Variants in MDGA2 observed in about 807,000 individuals in gnomAD.
MDGA2 encodes the protein MAM domain-containing glycosylphosphatidylinositol anchor protein 2.
A neutral mutation model predicts 117.8 loss-of-function variants in MDGA2; 40 were observed. That is an observed-to-expected ratio of 0.34 (90% CI 0.26 to 0.44). The LOEUF is 0.44. MDGA2 is among the 20% of genes least tolerant of loss of function. The pLI, the probability that MDGA2 is intolerant of heterozygous loss-of-function variation, is 1.00. For missense variants in MDGA2, 1,123 were observed against 1,250.6 expected (o/e 0.90, Z 1.54); for synonymous variants, 452 against 439.0 (o/e 1.03, Z -0.37).
chr14:47,293,578 T>C (rs77074967), intron 2 of MDGA2, among the ~76,000 whole-genome samples: 22,865 of 152,214 alleles, frequency 0.15, 2,039 homozygotes, highest in South Asian at 0.27. Context: ...AGTTTGTAAA[T>C]AAATTATTAT....
intron 8 of MDGA2, among the ~76,000 whole-genome samples, chr14:46,964,918 A>ATTTTTT (rs1566549134): frequency 2.7e-4 from 26 of 95,384 alleles, no homozygotes; most frequent in Non-Finnish European, 3.9e-4. Flanking sequence ...ATATATATTT[A>ATTTTTT]CTTTTTTTTT....
intron 3 of MDGA2, among the ~76,000 whole-genome samples, chr14:47,176,570 A>T (rs567421735): frequency 6.6e-6 from 1 of 152,338 alleles, no homozygotes; most frequent in South Asian, 2.1e-4. Flanking sequence ...CTATTTAATA[A>T]ATGGTGTTGG....
rs190341769 is a variant in MDGA2 at position 46,922,307 on chromosome 14, T to C, written c.2090-2147A>G. On this transcript the variant is annotated intron_variant, in intron 9 of 16. Coordinates refer to ENST00000399232, the MANE Select transcript of MDGA2 (RefSeq NM_001113498.3). Reference sequence around the variant, plus strand: ...TATAAATTTCCCTTTATTCGAGGTATTTAGTCAACACTTAAACAGCCATTT... The same window carrying C: ...TATAAATTTCCCTTTATTCGAGGTACTTAGTCAACACTTAAACAGCCATTT... 1.2e-4 allele frequency among the ~76,000 whole-genome samples: 19 copies of C among 152,308 alleles called. No homozygotes were observed. In the East Asian group the frequency reaches 2.9e-3, roughly 23 times the overall value.
At chr14:47,620,187 G>C (rs1897024579) in intron 1 of MDGA2, among the ~76,000 whole-genome samples, 1 of 152,198 alleles carries the variant, frequency 6.6e-6, no homozygotes, top group Admixed American at 6.5e-5. Flanking sequence ...ATGCTCAATG[G>C]CAACAGAATA....
intron 9 of MDGA2, among the ~76,000 whole-genome samples, chr14:46,947,850 TCA>T (rs1185264249): frequency 1.3e-5 from 2 of 151,940 alleles, no homozygotes; most frequent in Admixed American, 6.6e-5. Context: ...AAAAAAAATC[TCA>T]GTTATTATTT....
intron 1 of MDGA2, among the ~76,000 whole-genome samples, chr14:47,407,310 A>G (rs1399940957): frequency 2.0e-5 from 3 of 152,208 alleles, no homozygotes; most frequent in Non-Finnish European, 4.4e-5. Context: ...TACATTCAGT[A>G]TAATCATTTA....
At chr14:47,658,378 A>T (rs752377060) in intron 1 of MDGA2, among the ~76,000 whole-genome samples, 2 of 152,126 alleles carry the variant, frequency 1.3e-5, no homozygotes, top group Non-Finnish European at 2.9e-5. Flanking sequence ...TAGGCCCTTC[A>T]GCTCACTTTG....
chr14:47,057,259 AC>A (rs1308325843), intron 7 of MDGA2, among the ~76,000 whole-genome samples: 1 of 152,102 alleles, frequency 6.6e-6, no homozygotes, highest in African/African-American at 2.4e-5. Flanking sequence ...ACCCACATGA[AC>A]AAAAAATTCA....
At chr14:47,094,856 A>T (rs1444406534) in intron 6 of MDGA2, among the ~76,000 whole-genome samples, 3 of 151,986 alleles carry the variant, frequency 2.0e-5, no homozygotes, top group African/African-American at 4.8e-5. Context: ...TTTCTCTTTT[A>T]AAAAAATGGG....
At chr14:47,660,719 A>G (rs1413398849) in intron 1 of MDGA2, among the ~76,000 whole-genome samples, 3 of 147,714 alleles carry the variant, frequency 2.0e-5, no homozygotes, top group Non-Finnish European at 4.5e-5. Flanking sequence ...TAATCAGCCT[A>G]GGGAGAAATA....
intron 2 of MDGA2, among the ~76,000 whole-genome samples, chr14:47,280,737 A>C (rs1299115743): frequency 6.6e-6 from 1 of 152,050 alleles, no homozygotes; most frequent in Non-Finnish European, 1.5e-5. Flanking sequence ...AAGGCCATAT[A>C]TACTTATCAC....
chr14:47,129,246 C>T (rs182715984), intron 5 of MDGA2, among the ~76,000 whole-genome samples: 7 of 151,470 alleles, frequency 4.6e-5, no homozygotes, highest in Admixed American at 6.6e-5. Flanking sequence ...AGCTCCCCCC[C>T]CGACCCCACA....
In MDGA2 at chr14:47,131,927, T is replaced by C. The variant is rs192663312; in HGVS notation, c.793-81A>G. ...GAATGAAACATCACATCACATTACA[T>C]TGTATTAAATCATATTATTATCAGA... On this transcript the variant is annotated intron_variant, in intron 4 of 16. Coordinates refer to ENST00000399232, the MANE Select transcript of MDGA2 (RefSeq NM_001113498.3). 4.8e-4 allele frequency: 540 copies of C among 1,116,620 alleles called. 2 individuals are homozygous for C. Among genetic ancestry groups the C allele is most frequent in the South Asian group, 1.8e-3 (86 of 49,106 alleles). The allele number at this position is 1,116,620 out of a possible 1,614,324, so 69.2% of individuals were successfully genotyped here. A position where few individuals can be genotyped will look rare whatever the true frequency, so the allele number is the denominator to read the frequency against.
At chr14:47,242,115 A>G (rs566414365) in intron 2 of MDGA2, among the ~76,000 whole-genome samples, 41 of 152,042 alleles carry the variant, frequency 2.7e-4, no homozygotes, top group African/African-American at 9.6e-4. Flanking sequence ...GAAGATTGCT[A>G]CTATTTCATT....
At chr14:47,543,289 A>C (rs1236688334) in intron 1 of MDGA2, among the ~76,000 whole-genome samples, 1 of 152,210 alleles carries the variant, frequency 6.6e-6, no homozygotes, top group Non-Finnish European at 1.5e-5. Context: ...CTCTAAAAAA[A>C]CAAAAAGAAT....
At chr14:47,126,681 G>A (rs538935434) in intron 5 of MDGA2, among the ~76,000 whole-genome samples, 1 of 152,168 alleles carries the variant, frequency 6.6e-6, no homozygotes, top group Non-Finnish European at 1.5e-5. Context: ...TGGGCTCATG[G>A]AAACAGTAGG....
At chr14:46,949,648 G>T (rs1326478079) in intron 9 of MDGA2, among the ~76,000 whole-genome samples, 1 of 151,862 alleles carries the variant, frequency 6.6e-6, no homozygotes, top group Non-Finnish European at 1.5e-5. Flanking sequence ...TAGAATAATG[G>T]CTTCCAGCTC....
At chr14:47,607,293 A>C (rs570296208) in intron 1 of MDGA2, among the ~76,000 whole-genome samples, 13 of 152,322 alleles carry the variant, frequency 8.5e-5, no homozygotes, top group South Asian at 2.1e-4. Context: ...GCATATTTAC[A>C]AAGATAGGTA....
intron 1 of MDGA2, among the ~76,000 whole-genome samples, chr14:47,341,353 C>G (rs906407247): frequency 6.6e-6 from 1 of 152,190 alleles, no homozygotes; most frequent in African/African-American, 2.4e-5. Context: ...TGATTTTACA[C>G]ATGTCATAGA....
Sources: allele counts gnomAD v4.1 joint callset (sites outside exome capture counted in the v4.1 genomes callset), GRCh38; gene constraint gnomAD v4.1.1; transcripts MANE v1.5; gene names NCBI Gene and HGNC (gene_info 2026-07-23, HGNC 2026-07-21).